Variants in DSCAML1 observed in about 807,000 individuals in gnomAD.
DSCAML1 encodes cell adhesion molecule DSCAML1.
In DSCAML1, 38 loss-of-function variants were observed where a neutral mutation model predicts 200.5. The observed-to-expected ratio is 0.19, with a 90% CI of 0.15 to 0.25. The LOEUF (loss-of-function observed/expected upper bound fraction) is 0.25, where lower values mean the gene tolerates loss of function less well. DSCAML1 is among the 10% of genes least tolerant of loss of function. The probability of loss-of-function intolerance (pLI) is 1.00; values close to 1 mark genes in which losing one functional copy is unlikely to be tolerated. For missense variants in DSCAML1, 2,223 were observed against 2,858.8 expected (o/e 0.78, Z 5.07); for synonymous variants, 1,215 against 1,165.0 (o/e 1.04, Z -0.87).
At chr11:117,485,795 C>CT (rs1283387783) in intron 11 of DSCAML1, among the ~76,000 whole-genome samples, 3 of 152,246 alleles carry the variant, frequency 2.0e-5, no homozygotes, top group Admixed American at 2.0e-4. Flanking sequence ...TGAAGACAGA[C>CT]TGTGGTACTG....
chr11:117,809,361 G>A (rs543064741), intron 1 of DSCAML1, among the ~76,000 whole-genome samples: 1 of 152,366 alleles, frequency 6.6e-6, no homozygotes, highest in East Asian at 1.9e-4. Flanking sequence ...CTGACTCCTT[G>A]GGCGTGGCTC....
intron 3 of DSCAML1, among the ~76,000 whole-genome samples, chr11:117,678,534 C>T (rs1424798354): frequency 2.0e-5 from 3 of 151,996 alleles, no homozygotes; most frequent in Non-Finnish European, 4.4e-5. Context: ...ATGGAAGGGG[C>T]GTTGAGCAGG....
rs542815377 is a variant in DSCAML1, at chr11:117,789,083, C to A, written c.46+7951G>T. 3.5e-3 allele frequency among the ~76,000 whole-genome samples: 536 copies of A among 152,332 alleles called. 3 individuals carry two copies. The highest frequency in any genetic ancestry group is 0.012 in the African/African-American group (489 of 41,566). On this transcript the variant is annotated intron_variant, in intron 1 of 32. Coordinates refer to ENST00000651296, the MANE Select transcript of DSCAML1 (RefSeq NM_020693.4). ...TCCAATCCCCATGCAAAGCACAGCTCAAGTGTCCTCCCTGTGTCCATCAGA... is the reference window on the plus strand; with the variant it reads ...TCCAATCCCCATGCAAAGCACAGCTAAAGTGTCCTCCCTGTGTCCATCAGA...
chr11:117,618,805 A>G (rs2051864885), intron 3 of DSCAML1, among the ~76,000 whole-genome samples: 1 of 152,070 alleles, frequency 6.6e-6, no homozygotes, highest in South Asian at 2.1e-4. Context: ...ATCTCTTGCT[A>G]CGGAGGCTGT....
chr11:117,459,001 T>G, intron 18 of DSCAML1, 92 bp from the exon 19 acceptor site: 1 of 1,499,030 alleles, frequency 6.7e-7, no homozygotes, highest in Non-Finnish European at 9.1e-7. Flanking sequence ...CCACACCTAC[T>G]GCACAGGCTC....
intron 3 of DSCAML1, among the ~76,000 whole-genome samples, chr11:117,621,206 T>C (rs2051921902): frequency 6.6e-6 from 1 of 152,234 alleles, no homozygotes; most frequent in African/African-American, 2.4e-5. Context: ...TAGCTGTGCA[T>C]TGTCAGGCAT....
intron 17 of DSCAML1, among the ~76,000 whole-genome samples, chr11:117,462,961 A>G (rs370877810): frequency 1.8e-4 from 28 of 152,352 alleles, no homozygotes; most frequent in African/African-American, 6.7e-4. Context: ...GGGGCCCCCC[A>G]CGAGGCAAGG....
At chr11:117,472,786 A>G (rs2048711133) in intron 14 of DSCAML1, among the ~76,000 whole-genome samples, 1 of 152,200 alleles carries the variant, frequency 6.6e-6, no homozygotes, top group South Asian at 2.1e-4. Flanking sequence ...ACATATCGTG[A>G]TGGTGAACAC....
intron 3 of DSCAML1, among the ~76,000 whole-genome samples, chr11:117,540,931 C>T (rs1378567245): frequency 6.6e-6 from 1 of 152,142 alleles, no homozygotes; most frequent in Non-Finnish European, 1.5e-5. Flanking sequence ...CTGAAGAAAC[C>T]CTTGGCTGAG....
In DSCAML1 at chr11:117,702,024, G is replaced by C. The variant is rs1226915672; in HGVS notation, c.511+74767C>G. The stretch of plus-strand genomic sequence containing the variant: ...CCCGTGGATCCAACCCCCTGACCTG[G>C]TACCAAAACTGGCTTCTCCACCCCT... On this transcript the variant is annotated intron_variant, in intron 3 of 32. Coordinates refer to ENST00000651296, the MANE Select transcript of DSCAML1 (RefSeq NM_020693.4). Among the ~76,000 whole-genome samples, 3 of 152,088 alleles carry C rather than the reference G, an allele frequency of 2.0e-5. No homozygotes were observed. The East Asian group carries it at 5.8e-4, about 29-fold the overall frequency.
intron 3 of DSCAML1, among the ~76,000 whole-genome samples, chr11:117,535,416 T>G (rs2050149866): frequency 6.6e-6 from 1 of 152,102 alleles, no homozygotes; most frequent in Admixed American, 6.5e-5. Flanking sequence ...ACCTAGAGTT[T>G]GTGGACACCC....
At chr11:117,695,315 C>CTTTT (rs753748981) in intron 3 of DSCAML1, among the ~76,000 whole-genome samples, 1,209 of 116,624 alleles carry the variant, frequency 0.01, 15 homozygotes, top group Non-Finnish European at 0.016. Flanking sequence ...CTTTCTTTTT[C>CTTTT]TTTTTTTTTT....
rs368571178 is a variant in DSCAML1 at position 117,481,477 on chromosome 11, C to T, written c.2560-207G>A. On this transcript the variant is annotated intron_variant, in intron 12 of 32. Coordinates refer to ENST00000651296, the MANE Select transcript of DSCAML1 (RefSeq NM_020693.4). ...CTTCATACAGGGAGGGGCTGGGGGA[C>T]ACCAGAGGGAGAGAGGGGCTGAGGA... Among the ~76,000 whole-genome samples the T allele has an allele frequency of 2.5e-3, 366 of 144,260 alleles. 2 individuals are homozygous for T. Among genetic ancestry groups the T allele is most frequent in the African/African-American group, 8.6e-3 (331 of 38,666 alleles). 94.6% of individuals were successfully genotyped at this position (144,260 alleles called of 152,430 possible).
At chr11:117,572,999 CT>C (rs1565797999) in intron 3 of DSCAML1, among the ~76,000 whole-genome samples, 1 of 152,210 alleles carries the variant, frequency 6.6e-6, no homozygotes, top group Non-Finnish European at 1.5e-5. Context: ...GATAACAGCA[CT>C]TTCACAGTTG....
chr11:117,506,547 CTTT>C (rs5795089), intron 8 of DSCAML1, among the ~76,000 whole-genome samples: 1,563 of 96,782 alleles, frequency 0.016, 25 homozygotes, highest in African/African-American at 0.062. Context: ...CAAGAGATAA[CTTT>C]TTTTTTTTTT....
intron 3 of DSCAML1, among the ~76,000 whole-genome samples, chr11:117,753,126 T>G (rs2054629813): frequency 6.6e-6 from 1 of 152,212 alleles, no homozygotes; most frequent in South Asian, 2.1e-4. Flanking sequence ...AGCCTCTGTT[T>G]CCTTGAAAGG....
chr11:117,617,947 G>A (rs1189217607), intron 3 of DSCAML1, among the ~76,000 whole-genome samples: 3 of 152,094 alleles, frequency 2.0e-5, no homozygotes, highest in Admixed American at 2.0e-4. Context: ...AACCATGCAG[G>A]ACAACACCAC....
intron 3 of DSCAML1, among the ~76,000 whole-genome samples, chr11:117,673,742 C>G (rs1249988710): frequency 6.6e-6 from 1 of 152,204 alleles, no homozygotes; most frequent in African/African-American, 2.4e-5. Context: ...GCTCCCAGGC[C>G]TGGGCTCACG....
chr11:117,724,849 T>C (rs958316245), intron 3 of DSCAML1, among the ~76,000 whole-genome samples: 2 of 152,132 alleles, frequency 1.3e-5, no homozygotes, highest in African/African-American at 4.8e-5. Flanking sequence ...CTGGAATATG[T>C]CAACCATCAT....
Sources: gnomAD v4.1 joint callset for allele counts (sites outside exome capture counted in the v4.1 genomes callset) on GRCh38, gnomAD v4.1.1 for gene constraint, MANE v1.5 for transcripts, NCBI Gene and HGNC (gene_info 2026-07-23, HGNC 2026-07-21) for gene names.